Variants in MAN1C1 observed in about 807,000 individuals in gnomAD.
MAN1C1 encodes mannosidase alpha class 1C member 1.
MAN1C1 carries 49 observed loss-of-function variants against 71.5 expected under a neutral mutation model. That is an observed-to-expected ratio of 0.69 (90% CI 0.54 to 0.87). The LOEUF (loss-of-function observed/expected upper bound fraction) is 0.87, where lower values mean the gene tolerates loss of function less well. MAN1C1 is among the 40% of genes least tolerant of loss of function. The probability of loss-of-function intolerance (pLI) is 0.00; values close to 1 mark genes in which losing one functional copy is unlikely to be tolerated. For missense variants in MAN1C1, 743 were observed against 835.0 expected, an observed-to-expected ratio of 0.89 and a Z score of 1.36; for synonymous variants, 352 against 343.7, an observed-to-expected ratio of 1.02 and a Z score of -0.27.
chr1:25,749,307 T>A lies in MAN1C1; in HGVS notation c.806T>A (p.Leu269His), dbSNP rs2047180729. Residue 269 changes from leucine (L) to histidine (H), a missense_variant, in exon 4 of 12, where the codon CTC (leucine) becomes CAC (histidine). Coordinates refer to ENST00000374332, the MANE Select transcript of MAN1C1 (RefSeq NM_020379.4). ...AACATCCGCTACATCGGGGGACTCC[T>A]CTCAGCCTTCTACCTGACAGGAGAA... Reference protein sequence around the residue: ...EVNIRYIGGLLSAFYLTGEEV... With the variant: ...EVNIRYIGGLHSAFYLTGEEV... The A allele has an allele frequency of 6.2e-7, 1 of 1,612,114 alleles. No homozygotes were observed. Among genetic ancestry groups the A allele is most frequent in the Non-Finnish European group, 8.5e-7 (1 of 1,179,108 alleles).
At chr1:25,714,471 T>G (rs2786873) in intron 2 of MAN1C1, among the ~76,000 whole-genome samples, 34,049 of 152,086 alleles carry the variant, frequency 0.22, 5,806 homozygotes, top group African/African-American at 0.47. Flanking sequence ...AAGAATTTCT[T>G]TACCAACCCT....
chr1:25,676,112 A>G (rs1557760321), intron 1 of MAN1C1, among the ~76,000 whole-genome samples: 1 of 152,164 alleles, frequency 6.6e-6, no homozygotes, highest in African/African-American at 2.4e-5. Flanking sequence ...CTCTGCCTGT[A>G]TGGCCCACAC....
intron 2 of MAN1C1, among the ~76,000 whole-genome samples, chr1:25,713,386 A>G (rs147692278): frequency 4.5e-4 from 68 of 152,372 alleles, no homozygotes; most frequent in African/African-American, 1.6e-3. Flanking sequence ...TTTGCCCAGC[A>G]TAAGCATACC....
Position 25,746,571 on chromosome 1 carries a change from C to CGCT in MAN1C1, c.638-95_638-93dup, listed in dbSNP as rs990426537. 18 of 944,652 alleles carry CGCT rather than the reference C, an allele frequency of 1.9e-5. No homozygotes were observed. In the African/African-American group the frequency reaches 2.4e-4, roughly 13 times the overall value. The allele number at this position is 944,652 out of a possible 1,614,324, so 58.5% of individuals were successfully genotyped here. Reference sequence around the variant, plus strand: ...AGGCCAGCCTTTGCCACCAAGCCTGCGCTGGCATTGGAGGGGCCCTGAGAA... The same window carrying CGCT: ...AGGCCAGCCTTTGCCACCAAGCCTGCGCTGCTGGCATTGGAGGGGCCCTGAGAA... On this transcript the variant is annotated intron_variant, in intron 2 of 11. Transcript: ENST00000374332. This position sits in a 1 kb window ranked among gnomAD's most constrained non-coding sequence, Gnocchi z 4.0.
At chr1:25,754,756 T>C (rs1388350875) in intron 5 of MAN1C1, among the ~76,000 whole-genome samples, 1 of 152,116 alleles carries the variant, frequency 6.6e-6, no homozygotes, top group African/African-American at 2.4e-5. Flanking sequence ...CCCTTCCTCT[T>C]CTGTCCCCAG....
At chr1:25,672,092 A>T (rs1352530658) in intron 1 of MAN1C1, among the ~76,000 whole-genome samples, 1 of 152,248 alleles carries the variant, frequency 6.6e-6, no homozygotes, top group African/African-American at 2.4e-5. Flanking sequence ...TCAAGGCTGA[A>T]AGCCTCAGAA....
intron 2 of MAN1C1, among the ~76,000 whole-genome samples, chr1:25,697,072 T>C (rs577919598): frequency 6.6e-6 from 1 of 152,360 alleles, no homozygotes; most frequent in East Asian, 1.9e-4. Context: ...GAACACTAGT[T>C]TGTTTTTCCT....
Position 25,778,363 on chromosome 1 carries a change from G to A in MAN1C1, c.1477+39G>A. On this transcript the variant is annotated intron_variant, in intron 9 of 11. Transcript: ENST00000374332. The surrounding 1 kb of genome is among the most constrained non-coding windows in gnomAD (Gnocchi z 5.5). Reference sequence around the variant, plus strand: ...GGGAAGGGGCAGCAGGAGAGACTGAGGCTAGACACCAGGAAGAACTGGAAA... The same window carrying A: ...GGGAAGGGGCAGCAGGAGAGACTGAAGCTAGACACCAGGAAGAACTGGAAA... 1 of 1,559,482 alleles carries A rather than the reference G, an allele frequency of 6.4e-7. No individual in the cohort carries two copies. The highest frequency in any genetic ancestry group is 8.7e-7 in the Non-Finnish European group (1 of 1,147,428).
At chr1:25,638,391 A>C (rs1215150750) in intron 1 of MAN1C1, among the ~76,000 whole-genome samples, 1 of 152,162 alleles carries the variant, frequency 6.6e-6, no homozygotes, top group Non-Finnish European at 1.5e-5. Flanking sequence ...ATACATTGGT[A>C]TTATTTTTGC....
intron 6 of MAN1C1, 110 bp from the exon 7 acceptor site, chr1:25,763,764 A>G (rs1032487438): frequency 1.6e-5 from 14 of 848,602 alleles, no homozygotes; most frequent in African/African-American, 3.3e-5. Flanking sequence ...CTGCCTCCTC[A>G]TAAGGTTTCC....
chr1:25,617,864 TTCCTCTTCC>T lies in MAN1C1; in HGVS notation c.79_87del (p.Leu27_Leu29del), dbSNP rs768251272. ...GTGGGGGCTGCGGCTGCCGCAGAAG[TTCCTCTTCC>T]TCCTCTTCCTCTCGGGCCTGGTCAC... On this transcript the variant is annotated inframe_deletion, in exon 1 of 12. Transcript: ENST00000374332. The surrounding 1 kb of genome is among the most constrained non-coding windows in gnomAD (Gnocchi z 5.1). 1.9e-6 allele frequency: 3 copies of T among 1,606,478 alleles called. No individual in the cohort carries two copies. The highest frequency in any genetic ancestry group is 1.1e-5 in the South Asian group (1 of 90,140).
chr1:25,665,493 ATAGT>A (rs1416016534), intron 1 of MAN1C1, among the ~76,000 whole-genome samples: 10 of 152,188 alleles, frequency 6.6e-5, no homozygotes, highest in Admixed American at 5.2e-4. Flanking sequence ...ACGCTTCCAA[ATAGT>A]TAGCTGCATT....
chr1:25,630,437 C>T (rs189267778), intron 1 of MAN1C1, among the ~76,000 whole-genome samples: 4 of 152,134 alleles, frequency 2.6e-5, no homozygotes, highest in Non-Finnish European at 5.9e-5. Flanking sequence ...ATTCTGTGAA[C>T]AATGATGTTG....
intron 2 of MAN1C1, among the ~76,000 whole-genome samples, chr1:25,738,055 G>C (rs1039112306): frequency 6.6e-6 from 1 of 152,090 alleles, no homozygotes; most frequent in African/African-American, 2.4e-5. Context: ...TAAACAGGGC[G>C]GTGATGTGAT....
chr1:25,758,962 A>G (rs919200656), intron 6 of MAN1C1: 1 of 479,608 alleles, frequency 2.1e-6, no homozygotes, highest in Non-Finnish European at 3.8e-6. Flanking sequence ...CTGCCGGGGA[A>G]AAGGTTCTCA....
chr1:25,652,641 C>T lies in MAN1C1; in HGVS notation c.541-33799C>T, dbSNP rs945025291. ...GAAGTTGCTTCCTCCTGAAGCAGAG[C>T]GTGGGTGCCCTCCCACCGACATGCA... On this transcript the variant is annotated intron_variant, in intron 1 of 11. Coordinates refer to ENST00000374332, the MANE Select transcript of MAN1C1 (RefSeq NM_020379.4). Among the ~76,000 whole-genome samples the T allele has an allele frequency of 2.0e-5, 3 of 152,188 alleles. No homozygotes were observed. The South Asian group carries it at 6.2e-4, about 32-fold the overall frequency.
chr1:25,755,359 C>G (rs2047272274), intron 5 of MAN1C1, among the ~76,000 whole-genome samples: 3 of 152,226 alleles, frequency 2.0e-5, no homozygotes, highest in Non-Finnish European at 4.4e-5. Flanking sequence ...CTCTCTCACA[C>G]ACATGCAGAC....
chr1:25,686,037 TAAC>T (rs2046226299), intron 1 of MAN1C1, among the ~76,000 whole-genome samples: 1 of 152,226 alleles, frequency 6.6e-6, no homozygotes, highest in African/African-American at 2.4e-5. Flanking sequence ...TAAAATGGGT[TAAC>T]AATACCTAGC....
chr1:25,710,805 T>C (rs2046603341), intron 2 of MAN1C1, among the ~76,000 whole-genome samples: 1 of 152,150 alleles, frequency 6.6e-6, no homozygotes, highest in Non-Finnish European at 1.5e-5. Context: ...ATGAAAACAA[T>C]GAATTCTTAA....
Sources: gnomAD v4.1 joint callset for allele counts (sites outside exome capture counted in the v4.1 genomes callset) on GRCh38, gnomAD v4.1.1 for gene constraint, Gnocchi (gnomAD v3.1) non-coding constraint, MANE v1.5 for transcripts, NCBI Gene and HGNC (gene_info 2026-07-23, HGNC 2026-07-21) for gene names.